ZMYM4: variants seen among roughly 807,000 people sequenced by gnomAD.
ZMYM4 encodes the protein zinc finger MYM-type protein 4.
A neutral mutation model predicts 183.2 loss-of-function variants in ZMYM4; 31 were observed. That is an observed-to-expected ratio of 0.17 (90% confidence interval 0.13 to 0.23). The LOEUF (loss-of-function observed/expected upper bound fraction) is 0.23, where lower values mean the gene tolerates loss of function less well. Among genes scored for constraint, ZMYM4 ranks in the 10% least tolerant of loss-of-function variants. The pLI is 1.00. For missense variants in ZMYM4, 1,273 were observed against 1,840.3 expected (o/e 0.69, Z 5.64); for synonymous variants, 592 against 631.2 (o/e 0.94, Z 0.93).
intron 5 of ZMYM4, among the ~76,000 whole-genome samples, 199 bp from the exon 6 acceptor site, chr1:35,369,826 TTCTG>T (rs1172861050): frequency 6.6e-6 from 1 of 152,028 alleles, no homozygotes; most frequent in Admixed American, 6.5e-5. Flanking sequence ...TTTCATTTTT[TTCTG>T]TCTTACACTC....
At chr1:35,331,989 T>C (rs1464632230) in intron 2 of ZMYM4, among the ~76,000 whole-genome samples, 1 of 151,968 alleles carries the variant, frequency 6.6e-6, no homozygotes, top group Non-Finnish European at 1.5e-5. Context: ...TTCTGACCCA[T>C]TTCCCAGTGA....
chr1:35,294,515 C>A (rs1640913786), intron 1 of ZMYM4, among the ~76,000 whole-genome samples: 1 of 152,004 alleles, frequency 6.6e-6, no homozygotes, highest in Non-Finnish European at 1.5e-5. Flanking sequence ...GAACCTTGTT[C>A]TATAGTAGGG....
intron 1 of ZMYM4, among the ~76,000 whole-genome samples, chr1:35,304,471 T>C (rs982241456): frequency 6.6e-6 from 1 of 151,814 alleles, no homozygotes; most frequent in Admixed American, 6.6e-5. Flanking sequence ...TTTTTTTTTT[T>C]CTTTGAGACG....
At chr1:35,383,955 A>T (rs928777109) in intron 9 of ZMYM4, among the ~76,000 whole-genome samples, 2 of 152,080 alleles carry the variant, frequency 1.3e-5, no homozygotes, top group African/African-American at 4.8e-5. Context: ...AGGATTATAG[A>T]AAGTAAGAAT....
chr1:35,400,500 C>T (rs1009570730), intron 23 of ZMYM4, among the ~76,000 whole-genome samples: 4 of 152,040 alleles, frequency 2.6e-5, no homozygotes, highest in Non-Finnish European at 4.4e-5. Context: ...CCACCGCGCC[C>T]GGCCAGTTCC....
intron 18 of ZMYM4, among the ~76,000 whole-genome samples, chr1:35,394,866 C>T (rs997069359): frequency 1.3e-5 from 2 of 150,636 alleles, no homozygotes; most frequent in African/African-American, 5.0e-5. Context: ...GTAATCCCAG[C>T]AGTTTGGGAG....
intron 1 of ZMYM4, among the ~76,000 whole-genome samples, chr1:35,291,640 T>G (rs1294646864): frequency 1.3e-5 from 2 of 148,944 alleles, no homozygotes; most frequent in Admixed American, 6.7e-5. Flanking sequence ...GTTACTTTTT[T>G]TTTTTTTTTT....
At chr1:35,273,101 C>G (rs959140680) in intron 1 of ZMYM4, among the ~76,000 whole-genome samples, 3 of 152,104 alleles carry the variant, frequency 2.0e-5, no homozygotes, top group Non-Finnish European at 2.9e-5. Context: ...TGTGGGCAGT[C>G]GGAACACTTG....
chr1:35,323,743 C>T (rs1383044885), intron 1 of ZMYM4, among the ~76,000 whole-genome samples: 5 of 151,756 alleles, frequency 3.3e-5, no homozygotes, highest in South Asian at 2.1e-4. Flanking sequence ...TTAGTAGAGA[C>T]GGGGTTTCAC....
Position 35,268,721 on chromosome 1 carries a change from C to T in ZMYM4, c.-326C>T, listed in dbSNP as rs1258320349. Among the ~76,000 whole-genome samples, 1 of 152,230 alleles carries T rather than the reference C, an allele frequency of 6.6e-6. No homozygotes were observed. Among genetic ancestry groups the T allele is most frequent in the Non-Finnish European group, 1.5e-5 (1 of 68,028 alleles). ...CGCGCAAGGGGCTGATTTGGTGATC[C>T]CTTTAAGAAACCGCAGGCGGAGGAA... is the stretch of plus-strand genomic sequence containing the variant. On this transcript the variant is annotated 5_prime_UTR_variant, in exon 1 of 30. Transcript: ENST00000314607.
At chr1:35,391,664 T>G (rs918254349) in intron 15 of ZMYM4, among the ~76,000 whole-genome samples, 2 of 152,222 alleles carry the variant, frequency 1.3e-5, no homozygotes, top group African/African-American at 4.8e-5. Context: ...ATTGTTGGTT[T>G]TTAAGTTGGT....
intron 1 of ZMYM4, among the ~76,000 whole-genome samples, chr1:35,291,839 T>C (rs1005947967): frequency 1.3e-4 from 19 of 151,962 alleles, no homozygotes; most frequent in Non-Finnish European, 2.4e-4. Context: ...GGTTTCACCA[T>C]GTGTTGGCCA....
intron 1 of ZMYM4, among the ~76,000 whole-genome samples, chr1:35,313,390 C>CTTTTTCT (rs112510736): frequency 6.8e-5 from 9 of 131,562 alleles, no homozygotes; most frequent in South Asian, 2.4e-4. Context: ...TTTTCTTTTT[C>CTTTTTCT]TTTTTTTTTT....
intron 7 of ZMYM4, among the ~76,000 whole-genome samples, chr1:35,377,618 G>A (rs558049867): frequency 6.6e-6 from 1 of 152,320 alleles, no homozygotes; most frequent in East Asian, 1.9e-4. Context: ...TGTTTATACT[G>A]TAGTCTGTGT....
rs981128405 is a variant in ZMYM4, at chr1:35,408,277, C to T, written c.3948+118C>T. ...ATATATACTGGTATTTTCATTGGAACATTGTTTTTAACAACAAATTGGAAA... is the reference window on the plus strand; with the variant it reads ...ATATATACTGGTATTTTCATTGGAATATTGTTTTTAACAACAAATTGGAAA... On this transcript the variant is annotated intron_variant, in intron 26 of 29. Transcript: ENST00000314607. The T allele has an allele frequency of 5.5e-6, 7 of 1,278,020 alleles. No homozygotes were observed. The Admixed American group carries it at 1.8e-4, about 33-fold the overall frequency. 79.2% of individuals were successfully genotyped at this position (1,278,020 alleles called of 1,614,324 possible). A position where few individuals can be genotyped will look rare whatever the true frequency, so the allele number is the denominator to read the frequency against.
intron 1 of ZMYM4, among the ~76,000 whole-genome samples, chr1:35,317,236 C>G (rs1007337077): frequency 3.3e-5 from 5 of 152,062 alleles, no homozygotes; most frequent in African/African-American, 1.2e-4. Context: ...AGTTCGAGAC[C>G]AGCTTGGCCA....
Position 35,393,694 on chromosome 1 carries a change from G to A in ZMYM4, c.2866G>A (p.Ala956Thr). Reference protein sequence around the residue: ...LLCKPITQTKATSCKPHTQNK... With the variant: ...LLCKPITQTKTTSCKPHTQNK... The stretch of plus-strand genomic sequence containing the variant: ...ATGCAAACCCATCACACAGACTAAA[G>A]CCACCTCTTGCAAACCACATACCCA... The change falls in exon 18 of 30, where the codon GCC becomes ACC. Residue 956 changes from alanine to threonine, a missense_variant. Physicochemically the swap from Ala to Thr is moderately conservative, Grantham distance 58. Coordinates refer to ENST00000314607, the MANE Select transcript of ZMYM4 (RefSeq NM_005095.3). 1 of 1,611,318 alleles carries A rather than the reference G, an allele frequency of 6.2e-7. No individual in the cohort carries two copies. Among genetic ancestry groups the A allele is most frequent in the Non-Finnish European group, 8.5e-7 (1 of 1,178,322 alleles).
rs769276587 is a variant in ZMYM4, at chr1:35,381,680, G to A, written c.1491G>A (p.Ser497=). ...ENCGGYCYSG[S]GQCHMLQIEG... The stretch of plus-strand genomic sequence containing the variant: ...GTGGGGGTTACTGTTACAGTGGGTC[G>A]GGACAATGCCACATGCTTCAGATAG... Residue 497 remains serine, a synonymous_variant, in exon 9 of 30, where the codon TCG becomes TCA. Coordinates refer to ENST00000314607, the MANE Select transcript of ZMYM4 (RefSeq NM_005095.3). The A allele has an allele frequency of 2.4e-5, 38 of 1,614,060 alleles. 1 individual carries two copies. In the South Asian group the frequency reaches 2.5e-4, roughly 11 times the overall value.
rs534757601 is a variant in ZMYM4 at position 35,329,785 on chromosome 1, G to A, written c.85+4380G>A. ...CTGAGACTGGCTTCAAACTCCTGGG[G>A]TCAAGCAGTCCTCCTTCCACTGCCT... On this transcript the variant is annotated intron_variant, in intron 2 of 29. Coordinates refer to ENST00000314607, the MANE Select transcript of ZMYM4 (RefSeq NM_005095.3). Among the ~76,000 whole-genome samples the A allele has an allele frequency of 5.2e-3, 796 of 152,190 alleles. 4 individuals are homozygous for A. Among genetic ancestry groups the A allele is most frequent in the Middle Eastern group, 0.017 (5 of 294 alleles).
Sources: gnomAD v4.1 joint callset for allele counts (sites outside exome capture counted in the v4.1 genomes callset) on GRCh38, gnomAD v4.1.1 for gene constraint, MANE v1.5 for transcripts, NCBI Gene and HGNC (gene_info 2026-07-23, HGNC 2026-07-21) for gene names.